PWP1: variants seen among roughly 807,000 people sequenced by gnomAD.
The protein encoded by PWP1 is periodic tryptophan protein 1 homolog.
PWP1 carries 47 observed loss-of-function variants against 69.9 expected under a neutral mutation model. The observed-to-expected ratio is 0.67, with a 90% CI of 0.53 to 0.86. PWP1 has a LOEUF of 0.86. Ranked by LOEUF, PWP1 falls within the 40% of genes least tolerant of loss-of-function variation. PWP1 has a pLI of 0.00. For missense variants in PWP1, 551 were observed against 608.8 expected (o/e 0.91, Z 1.00); for synonymous variants, 222 against 208.2 (o/e 1.07, Z -0.57).
intron 1 of PWP1, 172 bp downstream of exon 1, chr12:107,686,143 G>A: frequency 1.4e-6 from 1 of 693,034 alleles, no homozygotes; most frequent in Non-Finnish European, 2.4e-6. Flanking sequence ...AGAAGGTCTG[G>A]TTCGCCTGAG....
chr12:107,698,418 T>C (rs73187393), intron 7 of PWP1, among the ~76,000 whole-genome samples: 10,521 of 152,114 alleles, frequency 0.069, 435 homozygotes, highest in African/African-American at 0.11. Flanking sequence ...CCTAGCACTT[T>C]GGGAGGCCAA....
At position 107,696,348 on chromosome 12, in the gene PWP1, A is replaced by G. The variant is rs146643929; in HGVS notation, c.503-126A>G. On this transcript the variant is annotated intron_variant, in intron 5 of 14. Coordinates refer to ENST00000412830, the MANE Select transcript of PWP1 (RefSeq NM_007062.3). ...GCGCCCAGCCTGGAATCTCTTTATA[A>G]TATCAGATGTCTCACTTTAAAGCAC... is the stretch of plus-strand genomic sequence containing the variant. The G allele has an allele frequency of 1.4e-5, 19 of 1,352,168 alleles. No homozygotes were observed. The Admixed American group carries it at 5.2e-4, about 37-fold the overall frequency. The allele number at this position is 1,352,168 out of a possible 1,614,324, so 83.8% of individuals were successfully genotyped here.
intron 8 of PWP1, among the ~76,000 whole-genome samples, chr12:107,702,612 GAAAA>G: frequency 6.6e-6 from 1 of 152,112 alleles, no homozygotes; most frequent in Non-Finnish European, 1.5e-5. Flanking sequence ...TAAAAAGAAA[GAAAA>G]AAGTCATCAG....
At chr12:107,697,729 A>G (rs1889620392) in intron 7 of PWP1, 132 bp downstream of exon 7, 6 of 944,912 alleles carry the variant, frequency 6.3e-6, no homozygotes, top group Middle Eastern at 4.2e-4. Flanking sequence ...TTATGAAATT[A>G]TTGTAATTTT....
chr12:107,697,243 C>G (rs2136277175), intron 6 of PWP1, among the ~76,000 whole-genome samples: 1 of 152,150 alleles, frequency 6.6e-6, no homozygotes, highest in East Asian at 1.9e-4. Flanking sequence ...CAAAGACCAG[C>G]AGCAGCACAG....
rs982579738 is a variant in PWP1, at chr12:107,712,341, A to G, written c.*121A>G. On this transcript the variant is annotated 3_prime_UTR_variant, in exon 15 of 15. Transcript: ENST00000412830. Reference sequence around the variant, plus strand: ...GAAACACAATTCATTTCTGACTGACATTCCTTTCTGCAACTGCGGTGGCAC... The same window carrying G: ...GAAACACAATTCATTTCTGACTGACGTTCCTTTCTGCAACTGCGGTGGCAC... 4 of 697,324 alleles carry G rather than the reference A, an allele frequency of 5.7e-6. No individual in the cohort carries two copies. Among genetic ancestry groups the G allele is most frequent in the Admixed American group, 2.5e-5 (1 of 39,418 alleles). 43.2% of individuals were successfully genotyped at this position (697,324 alleles called of 1,614,324 possible).
chr12:107,700,605 G>A (rs116984237), intron 8 of PWP1, among the ~76,000 whole-genome samples: 1,792 of 152,170 alleles, frequency 0.012, 23 homozygotes, highest in South Asian at 0.028. Context: ...TCTGCCTTTT[G>A]GATACTGTGA....
Position 107,687,041 on chromosome 12 carries a change from T to C in PWP1, c.72+1070T>C, listed in dbSNP as rs1889385208. 2.1e-5 allele frequency among the ~76,000 whole-genome samples: 3 copies of C among 142,818 alleles called. No individual in the cohort carries two copies. In the South Asian group the frequency reaches 6.7e-4, roughly 32 times the overall value. The allele number at this position is 142,818 out of a possible 152,430, so 93.7% of individuals were successfully genotyped here. On this transcript the variant is annotated intron_variant, in intron 1 of 14. Coordinates refer to ENST00000412830, the MANE Select transcript of PWP1 (RefSeq NM_007062.3). ...CCTTTATGGAGTCGACATGTGCACA[T>C]ATAGTATGTCAGTGGGAGTTAAGTT...
intron 8 of PWP1, among the ~76,000 whole-genome samples, chr12:107,699,844 T>C (rs995700632): frequency 6.6e-6 from 1 of 152,240 alleles, no homozygotes; most frequent in African/African-American, 2.4e-5. Flanking sequence ...TTAACACTTG[T>C]ATTAGTCTGT....
In PWP1 at chr12:107,704,617, T is replaced by G. The variant is rs1343346114; in HGVS notation, c.966-19T>G. The G allele has an allele frequency of 6.3e-7, 1 of 1,596,504 alleles. No homozygotes were observed. Among genetic ancestry groups the G allele is most frequent in the Non-Finnish European group, 8.6e-7 (1 of 1,165,236 alleles). On this transcript the variant is annotated intron_variant, in intron 10 of 14. Transcript: ENST00000412830. ...AGAATTGAACTCTTAAAACCCTAAC[T>G]TTGCCTGAATGTGTCTAGGTCAGTG...
chr12:107,693,394 C>T (rs904833325), intron 5 of PWP1, among the ~76,000 whole-genome samples: 31 of 151,866 alleles, frequency 2.0e-4, no homozygotes, highest in Admixed American at 1.6e-3. Context: ...CAGGCTGTCT[C>T]GAACTCCTGG....
intron 8 of PWP1, 71 bp downstream of exon 8, chr12:107,699,505 C>T: frequency 1.6e-6 from 2 of 1,243,602 alleles, no homozygotes; most frequent in Non-Finnish European, 2.3e-6. Flanking sequence ...TGCCTACACT[C>T]ATCTCTTTAT....
At chr12:107,696,928 C>T (rs990603937) in intron 6 of PWP1, among the ~76,000 whole-genome samples, 2 of 152,218 alleles carry the variant, frequency 1.3e-5, no homozygotes, top group African/African-American at 2.4e-5. Flanking sequence ...GTGGCATAAC[C>T]TGTTTTAGAA....
chr12:107,686,914 C>G (rs1250735875), intron 1 of PWP1, among the ~76,000 whole-genome samples: 2 of 141,612 alleles, frequency 1.4e-5, no homozygotes, highest in African/African-American at 2.6e-5. Context: ...TGCAGTGAGC[C>G]GAGATCGCAC....
Position 107,704,704 on chromosome 12 carries a change from TAGAG to T in PWP1, c.1039_1042del (p.Arg347Ter), listed in dbSNP as rs765444638. 3.8e-5 allele frequency: 62 copies of T among 1,613,908 alleles called. No homozygotes were observed. The highest frequency in any genetic ancestry group is 4.9e-5 in the Non-Finnish European group (58 of 1,179,920). ...CGAATGTGGCGATTCAGTGGGCAGA[TAGAG>T]AGAGTGACTTGGAATCACTTTTCAC... On this transcript the variant is annotated frameshift_variant, in exon 11 of 15. Coordinates refer to ENST00000412830, the MANE Select transcript of PWP1 (RefSeq NM_007062.3). LOFTEE classifies it high-confidence loss of function.
At position 107,697,785 on chromosome 12, in the gene PWP1, A is replaced by G. The variant is rs1249190307; in HGVS notation, c.744+188A>G. On this transcript the variant is annotated intron_variant, in intron 7 of 14. Coordinates refer to ENST00000412830, the MANE Select transcript of PWP1 (RefSeq NM_007062.3). ...AAAGAAAACTTATTTCTGATTACATAAAACCTCCATTATCATGTTGTTCTT... is the reference window on the plus strand; with the variant it reads ...AAAGAAAACTTATTTCTGATTACATGAAACCTCCATTATCATGTTGTTCTT... 1.2e-5 allele frequency: 8 copies of G among 647,386 alleles called. No individual in the cohort carries two copies. The African/African-American group carries it at 1.4e-4, about 12-fold the overall frequency. The allele number at this position is 647,386 out of a possible 1,614,324, so 40.1% of individuals were successfully genotyped here.
At chr12:107,710,376 A>T (rs1159579355) in intron 13 of PWP1, 29 bp from the exon 14 acceptor site, 1 of 1,610,570 alleles carries the variant, frequency 6.2e-7, no homozygotes, top group East Asian at 2.2e-5. Flanking sequence ...GAAGAGATTG[A>T]AATCACCATC....
At position 107,709,251 on chromosome 12, in the gene PWP1, A is replaced by G; in HGVS notation, c.1290+19A>G. ...GAAAATGGTAAGAATCTCCCTGGGT[A>G]TCTGTTTTTTATTTATTCTGTTTCT... On this transcript the variant is annotated intron_variant, in intron 13 of 14. Coordinates refer to ENST00000412830, the MANE Select transcript of PWP1 (RefSeq NM_007062.3). The G allele has an allele frequency of 6.2e-7, 1 of 1,609,114 alleles. No homozygotes were observed.
At position 107,709,224 on chromosome 12, in the gene PWP1, A is replaced by G. The variant is rs776793810; in HGVS notation, c.1282A>G (p.Met428Val). 2.7e-5 allele frequency: 44 copies of G among 1,613,258 alleles called. No homozygotes were observed. The highest frequency in any genetic ancestry group is 3.6e-5 in the Non-Finnish European group (43 of 1,179,562). Residue 428 changes from methionine (M) to valine (V), a missense_variant, in exon 13 of 15, where the codon ATG becomes GTG. By Grantham distance (21) the Met-to-Val change is conservative. Transcript: ENST00000412830. ...GCCAAGTCTAGTTCATTCTAGGGACATGAAAATGGTAAGAATCTCCCTGGG... is the reference window on the plus strand; with the variant it reads ...GCCAAGTCTAGTTCATTCTAGGGACGTGAAAATGGTAAGAATCTCCCTGGG... ...DRPSLVHSRDMKMGVLFCSSC... is the reference protein window; with the variant it reads ...DRPSLVHSRDVKMGVLFCSSC...
Sources: allele counts gnomAD v4.1 joint callset (sites outside exome capture counted in the v4.1 genomes callset), GRCh38; gene constraint gnomAD v4.1.1; transcripts MANE v1.5; gene names NCBI Gene and HGNC (gene_info 2026-07-23, HGNC 2026-07-21).